PUM2: variants seen among roughly 807,000 people sequenced by gnomAD.
The protein encoded by PUM2 is pumilio homolog 2.
PUM2 carries 57 observed loss-of-function variants against 124.5 expected under a neutral mutation model. The observed-to-expected ratio is 0.46, with a 90% confidence interval of 0.37 to 0.57. The LOEUF is 0.57. Among genes scored for constraint, PUM2 ranks in the 20% least tolerant of loss-of-function variants. PUM2 has a pLI of 0.00. For missense variants in PUM2, 1,065 were observed against 1,290.6 expected (o/e 0.83, Z 2.68); for synonymous variants, 460 against 446.1 (o/e 1.03, Z -0.39).
intron 10 of PUM2, among the ~76,000 whole-genome samples, chr2:20,288,226 C>T (rs1290919479): frequency 2.6e-5 from 4 of 152,002 alleles, no homozygotes; most frequent in Admixed American, 2.6e-4. Flanking sequence ...TAAGGATATA[C>T]ATAGAGGAAG....
In PUM2 at chr2:20,255,283, T is replaced by C; in HGVS notation, c.2681A>G (p.His894Arg). 12 of 1,609,424 alleles carry C rather than the reference T, an allele frequency of 7.5e-6. No homozygotes were observed. Among genetic ancestry groups the C allele is most frequent in the Non-Finnish European group, 1.0e-5 (12 of 1,175,804 alleles). The part of the protein sequence containing the change: ...GCRVIQRILE[H>R]CTAEQTLPIL... ...AGGTAAGGTCTGTTCTGCAGTGCAA[T>C]GCTCTAGGATGCGCTGAATTACTCT... is the stretch of plus-strand genomic sequence containing the variant. The change falls in exon 18 of 21, where the codon CAT (histidine) becomes CGT (arginine). Residue 894 changes from histidine to arginine, a missense_variant. His to Arg is a conservative substitution (Grantham distance 29, BLOSUM62 0). Around this residue, in one of 3 missense-constraint regions of PUM2, gnomAD observed 968 missense variants for 1,159.8 expected, o/e 0.83. Coordinates refer to ENST00000361078, the MANE Select transcript of PUM2 (RefSeq NM_015317.5).
intron 13 of PUM2, among the ~76,000 whole-genome samples, chr2:20,274,111 T>C (rs981870050): frequency 2.6e-5 from 4 of 152,190 alleles, no homozygotes; most frequent in Non-Finnish European, 5.9e-5. Context: ...GAAAGTCTAT[T>C]AATCAACTGA....
chr2:20,288,996 T>C (rs1419659525), intron 10 of PUM2, among the ~76,000 whole-genome samples: 1 of 152,118 alleles, frequency 6.6e-6, no homozygotes, highest in Non-Finnish European at 1.5e-5. Flanking sequence ...TAATCCACTT[T>C]AAGACATGTT....
intron 7 of PUM2, among the ~76,000 whole-genome samples, chr2:20,305,543 A>G (rs576239548): frequency 1.7e-4 from 26 of 151,604 alleles, no homozygotes; most frequent in African/African-American, 6.3e-4. Context: ...AAAAACGTGA[A>G]AAAACTGCAG....
At position 20,258,231 on chromosome 2, in the gene PUM2, A is replaced by G; in HGVS notation, c.2484+12T>C. The G allele has an allele frequency of 6.3e-7, 1 of 1,576,986 alleles. No individual in the cohort carries two copies. The highest frequency in any genetic ancestry group is 8.6e-7 in the Non-Finnish European group (1 of 1,164,672). On this transcript the variant is annotated intron_variant, in intron 16 of 20. Transcript: ENST00000361078. ...AAAATAATACAAAAATTTTGTCTTA[A>G]CTTACAATTACCTGCTGGTCAGAAG...
chr2:20,310,432 A>C (rs1025852423), intron 5 of PUM2, among the ~76,000 whole-genome samples: 7 of 152,058 alleles, frequency 4.6e-5, no homozygotes, highest in Non-Finnish European at 8.8e-5. Context: ...GTGTATTAAC[A>C]CTTCAATTAT....
intron 1 of PUM2, among the ~76,000 whole-genome samples, chr2:20,336,803 G>T (rs866666814): frequency 2.4e-4 from 27 of 111,180 alleles, no homozygotes; most frequent in Admixed American, 1.3e-3. Flanking sequence ...TGTGTGTGTG[G>T]TACAGACGGG....
chr2:20,299,794 T>G (rs1676520988), intron 7 of PUM2, among the ~76,000 whole-genome samples: 1 of 152,214 alleles, frequency 6.6e-6, no homozygotes, highest in Non-Finnish European at 1.5e-5. Flanking sequence ...ACACAGCCAT[T>G]TAAGAAATCT....
At chr2:20,320,702 G>C (rs879550605) in intron 2 of PUM2, among the ~76,000 whole-genome samples, 1 of 152,000 alleles carries the variant, frequency 6.6e-6, no homozygotes, top group African/African-American at 2.4e-5. Flanking sequence ...AAAGATCCCA[G>C]TAAGTAAACT....
At position 20,319,485 on chromosome 2, in the gene PUM2, C is replaced by T. The variant is rs186461930; in HGVS notation, c.52-840G>A. The stretch of plus-strand genomic sequence containing the variant: ...GTCTTTTCAGTGCTAACAATAAAAC[C>T]TGTGTATACTTCTATTAAACTTATC... On this transcript the variant is annotated intron_variant, in intron 2 of 20. Transcript: ENST00000361078. Among the ~76,000 whole-genome samples the T allele has an allele frequency of 7.2e-5, 11 of 152,260 alleles. No homozygotes were observed. In the East Asian group the frequency reaches 2.1e-3, roughly 29 times the overall value.
At chr2:20,264,691 A>T (rs985937900) in intron 13 of PUM2, among the ~76,000 whole-genome samples, 1 of 152,116 alleles carries the variant, frequency 6.6e-6, no homozygotes, top group Non-Finnish European at 1.5e-5. Context: ...TACCAGCATC[A>T]TGCTATTATT....
At position 20,248,982 on chromosome 2, in the gene PUM2, T is replaced by C. The variant is rs1480650095; in HGVS notation, c.*2603A>G. On this transcript the variant is annotated 3_prime_UTR_variant, in exon 21 of 21. Transcript: ENST00000361078. ...AATTTCATGCCAACTTACTAAAAGG[T>C]AAAAATTGGGGTGGGCACCCAAAAT... 2.6e-5 allele frequency: 4 copies of C among 152,192 alleles called. No individual in the cohort carries two copies. Among genetic ancestry groups the C allele is most frequent in the Admixed American group, 2.0e-4 (3 of 15,276 alleles). 9.4% of individuals were successfully genotyped at this position (152,192 alleles called of 1,614,324 possible).
chr2:20,254,887 G>A lies in PUM2; in HGVS notation c.2846C>T (p.Ala949Val), dbSNP rs1180077165. The A allele has an allele frequency of 6.2e-7, 1 of 1,613,926 alleles. No individual in the cohort carries two copies. Among genetic ancestry groups the A allele is most frequent in the South Asian group, 1.1e-5 (1 of 91,044 alleles). The change falls in exon 19 of 21, where the codon GCC becomes GTC. Residue 949 changes from alanine (A) to valine (V), a missense_variant. Physicochemically the swap from Ala to Val is moderately conservative, Grantham distance 64. Coordinates refer to ENST00000361078, the MANE Select transcript of PUM2 (RefSeq NM_015317.5). ...IVSEIRGKVL[A>V]LSQHKFASNV... ...CCTGGCAAATTTGTGTTGACTCAGG[G>A]CTAAAACCTTTCCCCTGATTTCGGA... is the stretch of plus-strand genomic sequence containing the variant.
At chr2:20,300,946 T>C (rs1676826693) in intron 7 of PUM2, among the ~76,000 whole-genome samples, 1 of 152,170 alleles carries the variant, frequency 6.6e-6, no homozygotes, top group African/African-American at 2.4e-5. Context: ...ACATAACTGA[T>C]TATTCCCGTA....
chr2:20,316,630 G>A (rs553137683), intron 3 of PUM2, among the ~76,000 whole-genome samples: 5 of 152,258 alleles, frequency 3.3e-5, no homozygotes, highest in African/African-American at 9.6e-5. Context: ...ACTATGGGCC[G>A]AACAAGGTGG....
intron 7 of PUM2, among the ~76,000 whole-genome samples, chr2:20,304,005 T>C (rs1677621363): frequency 6.6e-6 from 1 of 152,178 alleles, no homozygotes; most frequent in Admixed American, 6.5e-5. Context: ...GTACTGTCAT[T>C]TTTGTTTGAA....
intron 1 of PUM2, among the ~76,000 whole-genome samples, chr2:20,341,958 C>T (rs945293157): frequency 3.3e-5 from 5 of 151,530 alleles, no homozygotes; most frequent in Non-Finnish European, 5.9e-5. Flanking sequence ...GGTGAAAGGC[C>T]GTCTCTACTA....
chr2:20,300,213 G>A (rs988483977), intron 7 of PUM2, among the ~76,000 whole-genome samples: 1 of 151,734 alleles, frequency 6.6e-6, no homozygotes, highest in Non-Finnish European at 1.5e-5. Flanking sequence ...GCAGTAGCAC[G>A]ATCTTGGCTC....
At chr2:20,274,215 G>GA (rs944206589) in intron 13 of PUM2, among the ~76,000 whole-genome samples, 43 of 151,784 alleles carry the variant, frequency 2.8e-4, no homozygotes, top group African/African-American at 7.7e-4. Context: ...GGTGCTTTAA[G>GA]AAAAAAAACT....
Sources: allele counts gnomAD v4.1 joint callset (sites outside exome capture counted in the v4.1 genomes callset), GRCh38; gene constraint gnomAD v4.1.1; regional missense constraint gnomAD v4.1.1; transcripts MANE v1.5; gene names NCBI Gene and HGNC (gene_info 2026-07-23, HGNC 2026-07-21).